The following BMS1 variants were observed in gnomAD, a reference collection of about 807,000 sequenced individuals.
The protein encoded by BMS1 is BMS1 ribosome biogenesis factor.
In BMS1, 53 loss-of-function variants were observed where a neutral mutation model predicts 138.7. The ratio of observed to expected loss-of-function variants is 0.38; its 90% CI spans 0.31 to 0.48. BMS1 has a LOEUF of 0.48. Among genes scored for constraint, BMS1 ranks in the 20% least tolerant of loss-of-function variants. The pLI is 0.97. For synonymous variants in BMS1, 504 were observed against 539.9 expected (o/e 0.93, Z 0.92); for missense variants, 1,360 against 1,565.5 (o/e 0.87, Z 2.22).
In BMS1 at chr10:42,818,433, C is replaced by T. The variant is rs188220974; in HGVS notation, c.2580+939C>T. Among the ~76,000 whole-genome samples, 97 of 152,280 alleles carry T rather than the reference C, an allele frequency of 6.4e-4. No individual in the cohort carries two copies. The Middle Eastern group carries it at 0.027, about 43-fold the overall frequency. ...TAATCAGATCACTCTGCCAAGAGAT[C>T]AGTCGGGTGGCACAAACCAGAAGGC... is the stretch of plus-strand genomic sequence containing the variant. On this transcript the variant is annotated intron_variant, in intron 15 of 22. Coordinates refer to ENST00000374518, the MANE Select transcript of BMS1 (RefSeq NM_014753.4).
intron 11 of BMS1, among the ~76,000 whole-genome samples, chr10:42,798,247 A>G (rs753307059): frequency 7.9e-5 from 12 of 152,202 alleles, no homozygotes; most frequent in Non-Finnish European, 1.6e-4. Context: ...GCAGGAGCAC[A>G]GGAGCCCCAC....
intron 11 of BMS1, 76 bp from the exon 12 acceptor site, chr10:42,798,392 C>G (rs1841760203): frequency 1.9e-6 from 3 of 1,571,294 alleles, no homozygotes; most frequent in Non-Finnish European, 2.6e-6. Flanking sequence ...GACTCATGGC[C>G]TAACTGGTTG....
Position 42,823,135 on chromosome 10 carries a change from C to T in BMS1, c.3150C>T (p.Ala1050=), listed in dbSNP as rs764442757. The change falls in exon 20 of 23, where the codon GCC becomes GCT. Residue 1050 remains alanine, a synonymous_variant. Transcript: ENST00000374518. ...ACCTGTAGGGAATGTTTAATTCTGC[C>T]TTGGAAGTGGCCAAATTTGAAGGTG... The part of the protein sequence containing the change: ...TSFIKGMFNS[A]LEVAKFEGAV... 8.1e-6 allele frequency: 13 copies of T among 1,597,174 alleles called. No individual in the cohort carries two copies. In the Admixed American group the frequency reaches 2.1e-4, roughly 26 times the overall value.
intron 9 of BMS1, among the ~76,000 whole-genome samples, chr10:42,794,336 A>G (rs1841605743): frequency 6.6e-6 from 1 of 152,166 alleles, no homozygotes; most frequent in Non-Finnish European, 1.5e-5. Context: ...GTGGCTGTCC[A>G]GAAGCCACAT....
intron 22 of BMS1, 41 bp downstream of exon 22, chr10:42,830,463 G>A: frequency 6.4e-7 from 1 of 1,568,280 alleles, no homozygotes; most frequent in Non-Finnish European, 8.6e-7. Flanking sequence ...CGTTTAGATA[G>A]GAAAAGAACA....
intron 12 of BMS1, among the ~76,000 whole-genome samples, chr10:42,800,222 A>G (rs1019296457): frequency 7.9e-5 from 12 of 152,232 alleles, no homozygotes; most frequent in African/African-American, 2.9e-4. Flanking sequence ...CCCTGTAGAC[A>G]AAACATCTAG....
chr10:42,805,087 A>G (rs1841975915), intron 13 of BMS1, among the ~76,000 whole-genome samples: 2 of 152,190 alleles, frequency 1.3e-5, no homozygotes, highest in Non-Finnish European at 2.9e-5. Flanking sequence ...CCAATGTCAC[A>G]AATTGTCTCA....
At chr10:42,824,758 G>T (rs967487841) in intron 21 of BMS1, among the ~76,000 whole-genome samples, 3 of 152,218 alleles carry the variant, frequency 2.0e-5, no homozygotes, top group South Asian at 2.1e-4. Flanking sequence ...TTTTACCATT[G>T]TGTTGTCTTG....
At chr10:42,819,112 G>C (rs1015279083) in intron 15 of BMS1, among the ~76,000 whole-genome samples, 6 of 152,336 alleles carry the variant, frequency 3.9e-5, no homozygotes, top group Admixed American at 3.9e-4. Flanking sequence ...GAGAAGCAGA[G>C]AAATGAAGCC....
At position 42,816,730 on chromosome 10, in the gene BMS1, T is replaced by C. The variant is rs137860630; in HGVS notation, c.2403+58T>C. On this transcript the variant is annotated intron_variant, in intron 14 of 22. Coordinates refer to ENST00000374518, the MANE Select transcript of BMS1 (RefSeq NM_014753.4). ...CATTGTGTTCTGAGAGAGGCCCACATTGAGAAATGCAAATCTTACTTGTGA... is the reference window on the plus strand; with the variant it reads ...CATTGTGTTCTGAGAGAGGCCCACACTGAGAAATGCAAATCTTACTTGTGA... 14,602 of 1,382,854 alleles carry C rather than the reference T, an allele frequency of 0.011. 687 individuals carry two copies. In the East Asian group the frequency reaches 0.14, roughly 13 times the overall value. The allele number at this position is 1,382,854 out of a possible 1,614,324, so 85.7% of individuals were successfully genotyped here.
At chr10:42,826,223 G>A (rs1425379188) in intron 21 of BMS1, among the ~76,000 whole-genome samples, 1 of 144,052 alleles carries the variant, frequency 6.9e-6, no homozygotes, top group Non-Finnish European at 1.5e-5. Flanking sequence ...AAGTTGACCT[G>A]TAGTTTTTGT....
chr10:42,799,956 T>C (rs911171096), intron 12 of BMS1, among the ~76,000 whole-genome samples: 7 of 152,232 alleles, frequency 4.6e-5, no homozygotes, highest in Admixed American at 3.9e-4. Flanking sequence ...TCTGTAGAGT[T>C]TCTTGTATTC....
intron 18 of BMS1, 131 bp downstream of exon 18, chr10:42,821,123 T>G: frequency 1.3e-6 from 1 of 788,678 alleles, no homozygotes; most frequent in Non-Finnish European, 2.0e-6. Context: ...TTCCCTTTGC[T>G]TTTAATCTTC....
rs151187868 is a variant in BMS1 at position 42,804,671 on chromosome 10, T to G, written c.2329+2453T>G. 6.9e-3 allele frequency among the ~76,000 whole-genome samples: 1,048 copies of G among 152,238 alleles called. 13 individuals carry two copies. The highest frequency in any genetic ancestry group is 0.019 in the South Asian group (93 of 4,818). On this transcript the variant is annotated intron_variant, in intron 13 of 22. Transcript: ENST00000374518. ...TGTGCCTTGTCTTTTCTATTTTTAA[T>G]AGTGTTTTTCACAGAGCAAAGTATT...
In BMS1 at chr10:42,830,402, C is replaced by T. The variant is rs748630867; in HGVS notation, c.3598C>T (p.Arg1200Cys). 8.0e-5 allele frequency: 128 copies of T among 1,609,046 alleles called. No individual in the cohort carries two copies. In the East Asian group the frequency reaches 2.7e-3, roughly 34 times the overall value. ...GGACAGGCGGAGACCGGCCGTCATA[C>T]GCGAGCCTCATGAAAGAAAGGTACT... is the stretch of plus-strand genomic sequence containing the variant. Reference protein sequence around the residue: ...PKDRRRPAVIREPHERKILAL... With the variant: ...PKDRRRPAVICEPHERKILAL... The change falls in exon 22 of 23, where the codon CGC becomes TGC. Residue 1200 changes from arginine (R) to cysteine (C), a missense_variant. Coordinates refer to ENST00000374518, the MANE Select transcript of BMS1 (RefSeq NM_014753.4).
chr10:42,783,141 A>C (rs981416815), intron 1 of BMS1, among the ~76,000 whole-genome samples: 4 of 152,068 alleles, frequency 2.6e-5, no homozygotes, highest in African/African-American at 9.7e-5. Context: ...TTTTCCCACC[A>C]AGAAGAAAGA....
intron 13 of BMS1, among the ~76,000 whole-genome samples, chr10:42,802,881 A>G (rs984899662): frequency 2.0e-5 from 3 of 151,920 alleles, no homozygotes; most frequent in Non-Finnish European, 4.4e-5. Flanking sequence ...TACTTTGTTC[A>G]TTTTATAAAG....
rs1841775325 is a variant in BMS1 at position 42,798,711 on chromosome 10, G to A, written c.2247+86G>A. 3.3e-6 allele frequency: 5 copies of A among 1,534,086 alleles called. No individual in the cohort carries two copies. In the Admixed American group the frequency reaches 5.7e-5, roughly 17 times the overall value. On this transcript the variant is annotated intron_variant, in intron 12 of 22. Transcript: ENST00000374518. ...TATCTGATGTCAATATTGCTTACCTGTTGTTGGCTTCTTATTTTTACAGGA... is the reference window on the plus strand; with the variant it reads ...TATCTGATGTCAATATTGCTTACCTATTGTTGGCTTCTTATTTTTACAGGA...
chr10:42,825,527 A>G (rs1238759450), intron 21 of BMS1, among the ~76,000 whole-genome samples: 1 of 152,158 alleles, frequency 6.6e-6, no homozygotes, highest in African/African-American at 2.4e-5. Flanking sequence ...GGTTAAGTTT[A>G]TTCCTAAGTT....
Sources: gnomAD v4.1 joint callset for allele counts (sites outside exome capture counted in the v4.1 genomes callset) on GRCh38, gnomAD v4.1.1 for gene constraint, MANE v1.5 for transcripts, NCBI Gene and HGNC (gene_info 2026-07-23, HGNC 2026-07-21) for gene names.